KIF1C: variants seen among roughly 807,000 people sequenced by gnomAD.
KIF1C encodes kinesin family member 1C, also known as kinesin-like protein KIF1C.
KIF1C carries 61 observed loss-of-function variants against 126.5 expected under a neutral mutation model. The ratio of observed to expected loss-of-function variants is 0.48; its 90% confidence interval spans 0.39 to 0.60. KIF1C has a LOEUF of 0.60. Among genes scored for constraint, KIF1C ranks in the 20% least tolerant of loss-of-function variants. The pLI, the probability that KIF1C is intolerant of heterozygous loss-of-function variation, is 0.00. For synonymous variants in KIF1C, 640 were observed against 580.6 expected (o/e 1.10, Z -1.47); for missense variants, 1,315 against 1,489.2 (o/e 0.88, Z 1.93).
Position 5,001,385 on chromosome 17 carries a change from A to G in KIF1C, c.347A>G (p.Gln116Arg). 1.9e-6 allele frequency: 3 copies of G among 1,613,994 alleles called. No homozygotes were observed. Among genetic ancestry groups the G allele is most frequent in the Non-Finnish European group, 2.5e-6 (3 of 1,179,928 alleles). Reference sequence around the variant, plus strand: ...ATGGGGCGACAGGAGCCAGGGCAGCAGGGCATCGTGCCCCAGGTACGCCTA... The same window carrying G: ...ATGGGGCGACAGGAGCCAGGGCAGCGGGGCATCGTGCCCCAGGTACGCCTA... ...TMMGRQEPGQ[Q>R]GIVPQLCEDL... The change falls in exon 5 of 23, where the codon CAG (glutamine) becomes CGG (arginine). Residue 116 changes from glutamine (Q) to arginine (R), a missense_variant. Gln to Arg is a conservative substitution (Grantham distance 43). Around this residue, in one of 2 missense-constraint regions of KIF1C, gnomAD observed 874 missense variants for 1,053.2 expected, o/e 0.83. Transcript: ENST00000320785.
rs1418736275 is a variant in KIF1C, at chr17:5,025,509, A to T, written c.*1358A>T. Reference sequence around the variant, plus strand: ...GGCTACATCATTGTTCCCAGTCGTTATTTTATTTGTGTTAAGACTGTTTGT... The same window carrying T: ...GGCTACATCATTGTTCCCAGTCGTTTTTTTATTTGTGTTAAGACTGTTTGT... On this transcript the variant is annotated 3_prime_UTR_variant, in exon 23 of 23. Coordinates refer to ENST00000320785, the MANE Select transcript of KIF1C (RefSeq NM_006612.6). The T allele has an allele frequency of 1.3e-5, 2 of 151,816 alleles. No individual in the cohort carries two copies. The highest frequency in any genetic ancestry group is 6.6e-5 in the Admixed American group (1 of 15,240). 9.4% of individuals were successfully genotyped at this position (151,816 alleles called of 1,614,324 possible). A position where few individuals can be genotyped will look rare whatever the true frequency, so the allele number is the denominator to read the frequency against.
In KIF1C at chr17:5,007,448, G is replaced by A. The variant is rs762642905; in HGVS notation, c.1416-19G>A. The stretch of plus-strand genomic sequence containing the variant: ...GGCAGTGAAGGTAAGACTGACATTT[G>A]CCTCTCCTCTGCCCACAGAGAAGCA... On this transcript the variant is annotated intron_variant, in intron 15 of 22. Coordinates refer to ENST00000320785, the MANE Select transcript of KIF1C (RefSeq NM_006612.6). 1.2e-6 allele frequency: 2 copies of A among 1,606,208 alleles called. No homozygotes were observed. Among genetic ancestry groups the A allele is most frequent in the Non-Finnish European group, 1.7e-6 (2 of 1,175,222 alleles).
chr17:5,021,954 C>A, intron 21 of KIF1C, 138 bp from the exon 22 acceptor site: 1 of 902,352 alleles, frequency 1.1e-6, no homozygotes, highest in Non-Finnish European at 1.7e-6. Flanking sequence ...CCCAAGGGTG[C>A]GCTGTTGGGG....
chr17:5,002,177 T>C (rs942041600), intron 6 of KIF1C, 53 bp downstream of exon 6: 80 of 1,516,354 alleles, frequency 5.3e-5, no homozygotes, highest in Non-Finnish European at 6.6e-5. Flanking sequence ...TGCTGAGGGC[T>C]GTCGCTGGAA....
At chr17:5,011,531 G>A (rs1239309608) in intron 16 of KIF1C, 3 of 152,220 alleles carry the variant, frequency 2.0e-5, no homozygotes, top group Non-Finnish European at 2.9e-5. Flanking sequence ...AAGTTGAAAA[G>A]CACCGCCTCA....
intron 17 of KIF1C, among the ~76,000 whole-genome samples, 173 bp downstream of exon 17, chr17:5,013,905 C>T (rs565226061): frequency 6.6e-6 from 1 of 152,014 alleles, no homozygotes; most frequent in Non-Finnish European, 1.5e-5. Context: ...AGCGTGCCTG[C>T]TCAGTGGCTG....
intron 16 of KIF1C, chr17:5,011,424 C>G (rs1195410503): frequency 6.6e-6 from 1 of 152,216 alleles, no homozygotes; most frequent in Non-Finnish European, 1.5e-5. Flanking sequence ...GCTCTCACCC[C>G]CAGCCTGGGC....
At chr17:5,006,447 C>A (rs1974736953) in intron 13 of KIF1C, among the ~76,000 whole-genome samples, 1 of 151,916 alleles carries the variant, frequency 6.6e-6, no homozygotes, top group South Asian at 2.1e-4. Flanking sequence ...AGTGATTCTC[C>A]TGCCTCAGCC....
rs1449240641 is a variant in KIF1C, at chr17:5,023,725, G to A, written c.2886G>A (p.Leu962=). The change falls in exon 23 of 23, where the codon CTG becomes CTA. Residue 962 remains leucine (L), a synonymous_variant. Transcript: ENST00000320785. This position sits in a 1 kb window ranked among gnomAD's most constrained non-coding sequence, Gnocchi z 4.2. ...LQGSGGRGGG[L]RRPPARFVPP... ...GCTCTGGGGGCCGGGGCGGGGGGCTGCGCAGGCCCCCAGCCCGCTTTGTGC... is the reference window on the plus strand; with the variant it reads ...GCTCTGGGGGCCGGGGCGGGGGGCTACGCAGGCCCCCAGCCCGCTTTGTGC... 2.0e-6 allele frequency: 3 copies of A among 1,537,766 alleles called. No homozygotes were observed. The highest frequency in any genetic ancestry group is 2.6e-6 in the Non-Finnish European group (3 of 1,145,052).
rs1278421010 is a variant in KIF1C, at chr17:5,020,235, A to G, written c.1750+156A>G. On this transcript the variant is annotated intron_variant, in intron 19 of 22. Coordinates refer to ENST00000320785, the MANE Select transcript of KIF1C (RefSeq NM_006612.6). This position sits in a 1 kb window ranked among gnomAD's most constrained non-coding sequence, Gnocchi z 5.8. ...AGGAACTGGGAAGTGAAGGTCAAGG[A>G]GTCAGGTCTTGGTTTCTCTTTCCGC... is the stretch of plus-strand genomic sequence containing the variant. The G allele has an allele frequency of 4.2e-6, 3 of 711,242 alleles. No individual in the cohort carries two copies. Among genetic ancestry groups the G allele is most frequent in the Non-Finnish European group, 7.4e-6 (3 of 407,200 alleles). The allele number at this position is 711,242 out of a possible 1,614,324, so 44.1% of individuals were successfully genotyped here. A position where few individuals can be genotyped will look rare whatever the true frequency, so the allele number is the denominator to read the frequency against.
intron 17 of KIF1C, chr17:5,014,331 T>C (rs1210715606): frequency 1.1e-5 from 2 of 186,954 alleles, no homozygotes; most frequent in South Asian, 1.2e-4. Context: ...AGGTAGCATG[T>C]ACCCAGTGGC....
intron 16 of KIF1C, among the ~76,000 whole-genome samples, chr17:5,012,752 C>T (rs1463688711): frequency 6.6e-6 from 1 of 152,136 alleles, no homozygotes; most frequent in South Asian, 2.1e-4. Context: ...GGAAGGGAGA[C>T]TTCCCCAGGC....
intron 4 of KIF1C, 88 bp downstream of exon 4, chr17:5,000,936 C>G (rs1234717070): frequency 1.5e-6 from 2 of 1,328,330 alleles, no homozygotes; most frequent in Admixed American, 1.7e-5. Context: ...AATAGGACCC[C>G]CAGGGGATTA....
In KIF1C at chr17:5,004,900, C is replaced by T. The variant is rs576640333; in HGVS notation, c.1065C>T (p.Asn355=). 4.4e-5 allele frequency: 71 copies of T among 1,614,258 alleles called. No individual in the cohort carries two copies. The highest frequency in any genetic ancestry group is 4.3e-4 in the Admixed American group (26 of 60,030). Reference sequence around the variant, plus strand: ...AAATCCGCTGCAATGCCATCATCAACGAGGACCCTAATGCCCGGCTGATTA... The same window carrying T: ...AAATCCGCTGCAATGCCATCATCAATGAGGACCCTAATGCCCGGCTGATTA... The part of the protein sequence containing the change: ...TKQIRCNAII[N]EDPNARLIRE... The change falls in exon 13 of 23, where the codon AAC becomes AAT. Residue 355 remains asparagine (N), a synonymous_variant. Transcript: ENST00000320785.
intron 13 of KIF1C, among the ~76,000 whole-genome samples, chr17:5,005,945 G>A (rs1037207706): frequency 2.0e-5 from 3 of 151,794 alleles, no homozygotes; most frequent in South Asian, 4.2e-4. Flanking sequence ...AGTGGCTCAC[G>A]CCTGTAATCC....
intron 3 of KIF1C, 35 bp downstream of exon 3, chr17:5,000,387 C>T (rs1332610202): frequency 2.1e-6 from 3 of 1,424,302 alleles, no homozygotes; most frequent in Non-Finnish European, 2.9e-6. Flanking sequence ...TGGGCACAGG[C>T]AGGGAAGGCC....
intron 3 of KIF1C, among the ~76,000 whole-genome samples, 157 bp downstream of exon 3, chr17:5,000,509 G>T (rs527569562): frequency 6.6e-5 from 10 of 152,082 alleles, no homozygotes; most frequent in Non-Finnish European, 1.2e-4. Context: ...GGCCTTTCCC[G>T]TGTTCCCAGT....
chr17:5,009,872 C>G (rs947835598), intron 16 of KIF1C, among the ~76,000 whole-genome samples: 5 of 151,736 alleles, frequency 3.3e-5, no homozygotes, highest in Non-Finnish European at 5.9e-5. Flanking sequence ...TTATATAGAA[C>G]TATACACATT....
chr17:5,003,437 G>A (rs1974651902), intron 8 of KIF1C, among the ~76,000 whole-genome samples, 175 bp from the exon 9 acceptor site: 1 of 152,150 alleles, frequency 6.6e-6, no homozygotes, highest in African/African-American at 2.4e-5. Context: ...AATTGAGTGA[G>A]TAACCACCGT....
Sources: allele counts gnomAD v4.1 joint callset (sites outside exome capture counted in the v4.1 genomes callset), GRCh38; gene constraint gnomAD v4.1.1; regional missense constraint gnomAD v4.1.1; non-coding constraint Gnocchi (gnomAD v3.1); transcripts MANE v1.5; gene names NCBI Gene and HGNC (gene_info 2026-07-23, HGNC 2026-07-21).